Variants in GOLGA2 observed in about 807,000 individuals in gnomAD.
GOLGA2 encodes the protein golgin A2, also known as golgin subfamily A member 2.
In GOLGA2, 49 loss-of-function variants were observed where a neutral mutation model predicts 148.8. That is an observed-to-expected ratio of 0.33 (90% CI 0.26 to 0.42). The LOEUF (loss-of-function observed/expected upper bound fraction) is 0.42, where lower values mean the gene tolerates loss of function less well. Ranked by LOEUF, GOLGA2 falls within the 10% of genes least tolerant of loss-of-function variation. GOLGA2 has a pLI of 1.00. For synonymous variants in GOLGA2, 501 were observed against 511.8 expected (o/e 0.98, Z 0.28); for missense variants, 1,178 against 1,304.6 (o/e 0.90, Z 1.49).
chr9:128,266,350 T>C lies in GOLGA2; in HGVS notation c.643-25A>G. The stretch of plus-strand genomic sequence containing the variant: ...TCTGTGGGGAAGAGTCAAAGGAAGG[T>C]GACTGAGGGTGGCCCCCTCAACTCT... On this transcript the variant is annotated intron_variant, in intron 8 of 26. Coordinates refer to ENST00000611957, the MANE Select transcript of GOLGA2 (RefSeq NM_001366244.2). The surrounding 1 kb of genome is among the most constrained non-coding windows in gnomAD (Gnocchi z 4.2). The C allele has an allele frequency of 2.5e-6, 4 of 1,607,152 alleles. No individual in the cohort carries two copies. The South Asian group carries it at 3.3e-5, about 13-fold the overall frequency.
At chr9:128,262,484 C>T in intron 14 of GOLGA2, 79 bp downstream of exon 14, 2 of 1,400,796 alleles carry the variant, frequency 1.4e-6, no homozygotes, top group Non-Finnish European at 9.8e-7. Context: ...GCTGGAGTCT[C>T]CCCATGCCCT....
At chr9:128,264,430 T>C (rs941459647) in intron 12 of GOLGA2, among the ~76,000 whole-genome samples, 3 of 148,710 alleles carry the variant, frequency 2.0e-5, no homozygotes, top group Admixed American at 6.7e-5. Context: ...TATTTATTTA[T>C]TTATTTATTT....
intron 1 of GOLGA2, chr9:128,275,587 C>A: frequency 1.9e-6 from 2 of 1,031,062 alleles, no homozygotes; most frequent in Non-Finnish European, 2.6e-6. Context: ...GGTCCTAGGT[C>A]CTTGGAGACG....
chr9:128,268,307 G>T, intron 4 of GOLGA2, 113 bp downstream of exon 4: 2 of 1,035,322 alleles, frequency 1.9e-6, no homozygotes, highest in Non-Finnish European at 3.0e-6. Context: ...CCTTCCCCCG[G>T]CCCGGTCCCC....
chr9:128,258,107 C>T lies in GOLGA2; in HGVS notation c.2381G>A (p.Arg794His), dbSNP rs755562925. 1.4e-5 allele frequency: 22 copies of T among 1,609,278 alleles called. No individual in the cohort carries two copies. The highest frequency in any genetic ancestry group is 1.1e-4 in the East Asian group (5 of 44,872). ...QLKEQRVRCR[R>H]LAHLLASAQK... ...GGCCGAGGCCAGCAGGTGAGCCAGGCGCCGGCAGCGCACCCTTTGCTCCTT... is the reference window on the plus strand; with the variant it reads ...GGCCGAGGCCAGCAGGTGAGCCAGGTGCCGGCAGCGCACCCTTTGCTCCTT... The change falls in exon 23 of 27, where the codon CGC (arginine) becomes CAC (histidine). Residue 794 changes from arginine (R) to histidine (H), a missense_variant. Coordinates refer to ENST00000611957, the MANE Select transcript of GOLGA2 (RefSeq NM_001366244.2). The surrounding 1 kb of genome is among the most constrained non-coding windows in gnomAD (Gnocchi z 6.6).
chr9:128,262,943 C>T, intron 13 of GOLGA2, 91 bp downstream of exon 13: 2 of 926,056 alleles, frequency 2.2e-6, no homozygotes, highest in Non-Finnish European at 3.6e-6. Context: ...TCTATGACTA[C>T]CTCATCATGC....
chr9:128,275,270 G>A, intron 1 of GOLGA2: 1 of 649,086 alleles, frequency 1.5e-6, no homozygotes, highest in Non-Finnish European at 2.5e-6. Context: ...GAAGCGGGAT[G>A]AGAACACTTA....
rs1258110945 is a variant in GOLGA2 at position 128,271,636 on chromosome 9, A to C, written c.288+1149T>G. On this transcript the variant is annotated intron_variant, in intron 3 of 26. Coordinates refer to ENST00000611957, the MANE Select transcript of GOLGA2 (RefSeq NM_001366244.2). This position sits in a 1 kb window ranked among gnomAD's most constrained non-coding sequence, Gnocchi z 4.4. ...CCCACTCCCCATATGGATTAATGTT[A>C]CCCACCTTTAATCTTCAAGCCAGCT... Among the ~76,000 whole-genome samples, 2 of 151,488 alleles carry C rather than the reference A, an allele frequency of 1.3e-5. No homozygotes were observed. Among genetic ancestry groups the C allele is most frequent in the Non-Finnish European group, 2.9e-5 (2 of 67,896 alleles).
At chr9:128,272,096 G>A (rs1830989342) in intron 3 of GOLGA2, among the ~76,000 whole-genome samples, 1 of 147,940 alleles carries the variant, frequency 6.8e-6, no homozygotes, top group African/African-American at 2.5e-5. Flanking sequence ...TGCCTTTAGG[G>A]TAAAACCTAA....
At chr9:128,267,782 G>C in intron 6 of GOLGA2, 152 bp downstream of exon 6, 1 of 697,776 alleles carries the variant, frequency 1.4e-6, no homozygotes, top group Non-Finnish European at 2.5e-6. Flanking sequence ...ACAACTTCAA[G>C]GGAGAAGGCT....
rs1359062052 is a variant in GOLGA2 at position 128,258,011 on chromosome 9, C to T, written c.2477G>A (p.Arg826Gln). 2.5e-6 allele frequency: 4 copies of T among 1,609,518 alleles called. No individual in the cohort carries two copies. In the Admixed American group the frequency reaches 6.7e-5, roughly 27 times the overall value. ...CTTCTCCATGGCCCCCTGCAGGGCC[C>T]GGTGGGTCTCCCCACACACAGAATC... ...GGDSVCGETHRALQGAMEKLQ... is the reference protein window; with the variant it reads ...GGDSVCGETHQALQGAMEKLQ... The change falls in exon 23 of 27, where the codon CGG becomes CAG. Residue 826 changes from arginine (R) to glutamine (Q), a missense_variant. Coordinates refer to ENST00000611957, the MANE Select transcript of GOLGA2 (RefSeq NM_001366244.2). The surrounding 1 kb of genome is among the most constrained non-coding windows in gnomAD (Gnocchi z 6.6).
Position 128,257,588 on chromosome 9 carries a change from T to C in GOLGA2, c.2718+13A>G, listed in dbSNP as rs1829965602. On this transcript the variant is annotated intron_variant, in intron 25 of 26. Transcript: ENST00000611957. The surrounding 1 kb of genome is among the most constrained non-coding windows in gnomAD (Gnocchi z 8.0). ...GTGCCCACCTCCACCCCCAGAGATG[T>C]TCCACACCCTACCTTCATCTCCTCC... 2 of 1,613,948 alleles carry C rather than the reference T, an allele frequency of 1.2e-6. No individual in the cohort carries two copies. The highest frequency in any genetic ancestry group is 1.7e-6 in the Non-Finnish European group (2 of 1,179,884).
At chr9:128,263,799 C>T (rs985833455) in intron 12 of GOLGA2, among the ~76,000 whole-genome samples, 8 of 152,018 alleles carry the variant, frequency 5.3e-5, no homozygotes, top group Middle Eastern at 6.8e-3. Context: ...GTGATCCGCC[C>T]GCCTCAACTT....
chr9:128,275,556 G>T, intron 1 of GOLGA2: 1 of 1,229,768 alleles, frequency 8.1e-7, no homozygotes, highest in Non-Finnish European at 1.1e-6. Context: ...TCACTGGCGA[G>T]GGCAGGGGCT....
rs752499337 is a variant in GOLGA2, at chr9:128,260,229, T to TG, written c.1759-41dup. 2.0e-6 allele frequency: 3 copies of TG among 1,475,854 alleles called. No individual in the cohort carries two copies. Among genetic ancestry groups the TG allele is most frequent in the East Asian group, 2.3e-5 (1 of 44,292 alleles). 91.4% of individuals were successfully genotyped at this position (1,475,854 alleles called of 1,614,324 possible). A position where few individuals can be genotyped will look rare whatever the true frequency, so the allele number is the denominator to read the frequency against. Reference sequence around the variant, plus strand: ...GCAATCAGCGGCCACCCACTGCAGCTGGAGACCCCAGAACTTGCTGCCTTG... The same window carrying TG: ...GCAATCAGCGGCCACCCACTGCAGCTGGGAGACCCCAGAACTTGCTGCCTTG... On this transcript the variant is annotated intron_variant, in intron 18 of 26. Transcript: ENST00000611957. This position sits in a 1 kb window ranked among gnomAD's most constrained non-coding sequence, Gnocchi z 4.8.
chr9:128,255,887 A>C lies in GOLGA2; in HGVS notation c.*1180T>G, dbSNP rs1829829284. Reference sequence around the variant, plus strand: ...CAAAATAAACAGGAGTCGCATCACCAGGGCGCCACGACCCCATCCCCGCCT... The same window carrying C: ...CAAAATAAACAGGAGTCGCATCACCCGGGCGCCACGACCCCATCCCCGCCT... On this transcript the variant is annotated 3_prime_UTR_variant, in exon 27 of 27. Transcript: ENST00000611957. The C allele has an allele frequency of 6.6e-6, 1 of 152,636 alleles. No homozygotes were observed. Among genetic ancestry groups the C allele is most frequent in the Non-Finnish European group, 1.5e-5 (1 of 68,044 alleles). 9.5% of individuals were successfully genotyped at this position (152,636 alleles called of 1,614,324 possible). A position where few individuals can be genotyped will look rare whatever the true frequency, so the allele number is the denominator to read the frequency against.
chr9:128,268,294 G>T, intron 4 of GOLGA2, 126 bp downstream of exon 4: 1 of 1,082,322 alleles, frequency 9.2e-7, no homozygotes, highest in Non-Finnish European at 1.4e-6. Flanking sequence ...AGCCCAGTCT[G>T]AGCCTTCCCC....
chr9:128,261,763 T>A lies in GOLGA2; in HGVS notation c.1135-6A>T. The A allele has an allele frequency of 6.2e-7, 1 of 1,600,506 alleles. No individual in the cohort carries two copies. The highest frequency in any genetic ancestry group is 8.6e-7 in the Non-Finnish European group (1 of 1,167,582). On this transcript the variant is annotated splice_region_variant and splice_polypyrimidine_tract_variant and intron_variant, in intron 14 of 26. Transcript: ENST00000611957. This position sits in a 1 kb window ranked among gnomAD's most constrained non-coding sequence, Gnocchi z 5.7. ...GCTTCACACCGGCTTGAAAACTGGA[T>A]GGTGAAGAGCGAGAAGTTTAGATCT...
Position 128,266,978 on chromosome 9 carries a change from G to T in GOLGA2, c.642+216C>A. 6.5e-6 allele frequency: 4 copies of T among 615,982 alleles called. No individual in the cohort carries two copies. Among genetic ancestry groups the T allele is most frequent in the Admixed American group, 5.8e-5 (2 of 34,254 alleles). The allele number at this position is 615,982 out of a possible 1,614,324, so 38.2% of individuals were successfully genotyped here. The stretch of plus-strand genomic sequence containing the variant: ...GTGTGTGGCAAGGACTCGAGCAGGG[G>T]TGTCTAGAGAAGAGAGAGTAGGCAA... On this transcript the variant is annotated intron_variant, in intron 8 of 26. Coordinates refer to ENST00000611957, the MANE Select transcript of GOLGA2 (RefSeq NM_001366244.2). This position sits in a 1 kb window ranked among gnomAD's most constrained non-coding sequence, Gnocchi z 4.2.
Sources: allele counts gnomAD v4.1 joint callset (sites outside exome capture counted in the v4.1 genomes callset), GRCh38; gene constraint gnomAD v4.1.1; non-coding constraint Gnocchi (gnomAD v3.1); transcripts MANE v1.5; gene names NCBI Gene and HGNC (gene_info 2026-07-23, HGNC 2026-07-21).